Variants in DPP6 observed in about 807,000 individuals in gnomAD.
The protein encoded by DPP6 is dipeptidyl peptidase like 6, also known as A-type potassium channel modulatory protein DPP6.
A neutral mutation model predicts 122.6 loss-of-function variants in DPP6; 69 were observed. The observed-to-expected ratio is 0.56, with a 90% CI of 0.46 to 0.69. The LOEUF (loss-of-function observed/expected upper bound fraction) is 0.69. Among genes scored for constraint, DPP6 ranks in the 30% least tolerant of loss-of-function variants. DPP6 has a pLI of 0.00. For synonymous variants in DPP6, 418 were observed against 433.1 expected, an observed-to-expected ratio of 0.97 and a Z score of 0.43; for missense variants, 928 against 1,116.9, an observed-to-expected ratio of 0.83 and a Z score of 2.41.
chr7:154,711,866 T>G (rs2131305776), intron 7 of DPP6, among the ~76,000 whole-genome samples: 1 of 152,208 alleles, frequency 6.6e-6, no homozygotes, highest in East Asian at 1.9e-4. Context: ...TCTGGGAACA[T>G]GCAGATTGTG....
At chr7:154,344,054 A>G (rs894288244) in intron 1 of DPP6, among the ~76,000 whole-genome samples, 1 of 152,040 alleles carries the variant, frequency 6.6e-6, no homozygotes, top group Non-Finnish European at 1.5e-5. Flanking sequence ...TTTTAAAAGA[A>G]CCATGACATG....
intron 8 of DPP6, among the ~76,000 whole-genome samples, chr7:154,764,422 G>T (rs1795776155): frequency 6.6e-6 from 1 of 152,146 alleles, no homozygotes; most frequent in African/African-American, 2.4e-5. Context: ...CTTAAAGGCG[G>T]AAGACAGGTG....
intron 6 of DPP6, among the ~76,000 whole-genome samples, chr7:154,667,081 A>T (rs975964969): frequency 6.6e-6 from 1 of 151,912 alleles, no homozygotes; most frequent in South Asian, 2.1e-4. Flanking sequence ...TTAATTTCAT[A>T]TGTATTTGAG....
At chr7:153,903,812 G>C (rs1799737359) in intron 1 of DPP6, among the ~76,000 whole-genome samples, 1 of 152,128 alleles carries the variant, frequency 6.6e-6, no homozygotes, top group Non-Finnish European at 1.5e-5. Flanking sequence ...ATTAAGGGTT[G>C]TGTTGCTATT....
At chr7:153,862,471 C>T in the DPP6 span, among the ~76,000 whole-genome samples, 2 of 152,218 alleles carry the variant, frequency 1.3e-5, no homozygotes, top group Non-Finnish European at 2.9e-5. Context: ...CTGTCACCTT[C>T]ACATCACCCA....
chr7:153,920,706 G>C (rs751430042), intron 1 of DPP6, among the ~76,000 whole-genome samples: 3 of 151,362 alleles, frequency 2.0e-5, no homozygotes, highest in African/African-American at 7.3e-5. Context: ...GATTACAAAC[G>C]TGTGCCACCA....
At chr7:154,889,048 G>T (rs1396360257) in intron 23 of DPP6, among the ~76,000 whole-genome samples, 1 of 152,164 alleles carries the variant, frequency 6.6e-6, no homozygotes, top group African/African-American at 2.4e-5. Context: ...GGGAATTATG[G>T]GAGCTACAAG....
intron 1 of DPP6, among the ~76,000 whole-genome samples, chr7:154,046,932 G>C (rs1180650796): frequency 6.6e-6 from 1 of 152,006 alleles, no homozygotes; most frequent in Non-Finnish European, 1.5e-5. Context: ...CTCTGTAACT[G>C]TTTCTATTAG....
chr7:154,249,461 G>T (rs1314821805), intron 1 of DPP6, among the ~76,000 whole-genome samples: 1 of 152,144 alleles, frequency 6.6e-6, no homozygotes, highest in Non-Finnish European at 1.5e-5. Flanking sequence ...AATTACTCTT[G>T]CAAACATCCG....
At position 154,324,356 on chromosome 7, in the gene DPP6, C is replaced by G. The variant is rs539972781; in HGVS notation, c.244-121858C>G. On this transcript the variant is annotated intron_variant, in intron 1 of 25. Coordinates refer to ENST00000377770, the MANE Select transcript of DPP6 (RefSeq NM_130797.4). The stretch of plus-strand genomic sequence containing the variant: ...TGTGCGCTCCCCCCTTTGAATCATT[C>G]TCACTGCACTTCTGCCCCTTCCATG... Among the ~76,000 whole-genome samples the G allele has an allele frequency of 4.1e-4, 63 of 152,322 alleles. No homozygotes were observed. The South Asian group carries it at 0.011, about 27-fold the overall frequency.
intron 1 of DPP6, among the ~76,000 whole-genome samples, chr7:154,427,030 A>G (rs1301908383): frequency 6.6e-6 from 1 of 152,130 alleles, no homozygotes. Flanking sequence ...TCTTTTAATC[A>G]GAAATAATTT....
chr7:154,760,217 A>G lies in DPP6; in HGVS notation c.884-9200A>G, dbSNP rs1359942661. 6.6e-6 allele frequency among the ~76,000 whole-genome samples: 1 copy of G among 152,206 alleles called. No individual in the cohort carries two copies. The highest frequency in any genetic ancestry group is 1.5e-5 in the Non-Finnish European group (1 of 68,040). On this transcript the variant is annotated intron_variant, in intron 8 of 25. Coordinates refer to ENST00000377770, the MANE Select transcript of DPP6 (RefSeq NM_130797.4). This position sits in a 1 kb window ranked among gnomAD's most constrained non-coding sequence, Gnocchi z 4.5. ...AAGGCAGTAATTTTATTTTTAAAGGAAAAGGATTCAGCAGGCGGATTCTGG... is the reference window on the plus strand; with the variant it reads ...AAGGCAGTAATTTTATTTTTAAAGGGAAAGGATTCAGCAGGCGGATTCTGG...
At chr7:154,420,749 A>C (rs2151226541) in intron 1 of DPP6, among the ~76,000 whole-genome samples, 1 of 152,340 alleles carries the variant, frequency 6.6e-6, no homozygotes, top group South Asian at 2.1e-4. Context: ...TATGTTAATC[A>C]GCTTGGTTTA....
At chr7:154,358,947 C>A (rs1038939645) in intron 1 of DPP6, among the ~76,000 whole-genome samples, 1 of 152,204 alleles carries the variant, frequency 6.6e-6, no homozygotes, top group Admixed American at 6.5e-5. Context: ...CTCAGGTGAT[C>A]CACCTGCCTC....
At chr7:154,662,593 G>A (rs1262024972) in intron 6 of DPP6, among the ~76,000 whole-genome samples, 4 of 93,762 alleles carry the variant, frequency 4.3e-5, no homozygotes, top group Non-Finnish European at 6.2e-5. Context: ...TCACCATGGC[G>A]TATCGGCCGT....
intron 1 of DPP6, among the ~76,000 whole-genome samples, chr7:154,065,101 T>C (rs1461806732): frequency 6.6e-6 from 1 of 152,060 alleles, no homozygotes; most frequent in African/African-American, 2.4e-5. Context: ...CATCTGAATT[T>C]CCATAGCATT....
At chr7:154,765,865 G>A (rs370338347) in intron 8 of DPP6, among the ~76,000 whole-genome samples, 1 of 152,312 alleles carries the variant, frequency 6.6e-6, no homozygotes, top group African/African-American at 2.4e-5. Context: ...AATTAATTTC[G>A]TTGATGAAAT....
chr7:153,962,881 ATGT>A (rs1208214986), intron 1 of DPP6, among the ~76,000 whole-genome samples: 1 of 152,020 alleles, frequency 6.6e-6, no homozygotes, highest in Non-Finnish European at 1.5e-5. Flanking sequence ...ACCTTCATTT[ATGT>A]TGTTTATTCT....
intron 1 of DPP6, among the ~76,000 whole-genome samples, chr7:154,329,025 A>AT (rs1356916042): frequency 2.6e-5 from 4 of 152,150 alleles, no homozygotes; most frequent in Admixed American, 6.6e-5. Context: ...CACTTATTAC[A>AT]TTTTTTTATT....
Sources: gnomAD v4.1 joint callset for allele counts (sites outside exome capture counted in the v4.1 genomes callset) on GRCh38, gnomAD v4.1.1 for gene constraint, Gnocchi (gnomAD v3.1) non-coding constraint, MANE v1.5 for transcripts, NCBI Gene and HGNC (gene_info 2026-07-23, HGNC 2026-07-21) for gene names.